LMF1: variants seen among roughly 807,000 people sequenced by gnomAD.
LMF1 encodes the protein transmembrane protein 112.
In LMF1, 68 loss-of-function variants were observed where a neutral mutation model predicts 60.6. The ratio of observed to expected loss-of-function variants is 1.12; its 90% CI spans 0.92 to 1.37. The LOEUF is 1.37. Among genes scored for constraint, LMF1 ranks in the 40% most tolerant of loss-of-function variants. The probability of loss-of-function intolerance (pLI) is 0.00; values close to 1 mark genes in which losing one functional copy is unlikely to be tolerated. For synonymous variants in LMF1, 418 were observed against 324.7 expected (o/e 1.29, Z -3.09); for missense variants, 948 against 767.2 (o/e 1.24, Z -2.78).
chr16:932,054 C>A (rs943879562), intron 3 of LMF1, among the ~76,000 whole-genome samples: 1 of 152,228 alleles, frequency 6.6e-6, no homozygotes, highest in Admixed American at 6.5e-5. Flanking sequence ...ATGCAGACCC[C>A]GTTGCTTTTG....
rs545508924 is a variant in LMF1 at position 969,428 on chromosome 16, C to T, written c.193+1360G>A. Among the ~76,000 whole-genome samples, 5 of 152,358 alleles carry T rather than the reference C, an allele frequency of 3.3e-5. No homozygotes were observed. The South Asian group carries it at 8.3e-4, about 25-fold the overall frequency. On this transcript the variant is annotated intron_variant, in intron 1 of 10. Coordinates refer to ENST00000262301, the MANE Select transcript of LMF1 (RefSeq NM_022773.4). ...ACAGGAAACCTTGTAGTGATGAGCGCGTCTCATCACTTTGCACCAGGAGGT... is the reference window on the plus strand; with the variant it reads ...ACAGGAAACCTTGTAGTGATGAGCGTGTCTCATCACTTTGCACCAGGAGGT...
intron 3 of LMF1, among the ~76,000 whole-genome samples, chr16:925,759 C>T (rs2071575170): frequency 6.6e-6 from 1 of 152,114 alleles, no homozygotes; most frequent in African/African-American, 2.4e-5. Flanking sequence ...TATATATATG[C>T]TTTTCTTCTA....
intron 1 of LMF1, among the ~76,000 whole-genome samples, chr16:978,672 T>C (rs2073247554): frequency 2.6e-5 from 4 of 151,884 alleles, no homozygotes; most frequent in African/African-American, 9.7e-5. Flanking sequence ...CACTAGCAGG[T>C]GGTGAGGTCA....
At chr16:869,113 C>T in intron 9 of LMF1, 57 bp from the exon 10 acceptor site, 1 of 1,149,646 alleles carries the variant, frequency 8.7e-7, no homozygotes, top group Non-Finnish European at 1.3e-6. Flanking sequence ...AGGCACAGCC[C>T]CTCCGGACGC....
At chr16:854,782 A>G in intron 10 of LMF1, 76 bp from the exon 11 acceptor site, 1 of 1,328,330 alleles carries the variant, frequency 7.5e-7, no homozygotes, top group Admixed American at 2.0e-5. Context: ...CCTGCTGCTG[A>G]GCTGCAGCTG....
At chr16:876,455 C>A (rs956079715) in intron 6 of LMF1, among the ~76,000 whole-genome samples, 1 of 152,086 alleles carries the variant, frequency 6.6e-6, no homozygotes, top group Non-Finnish European at 1.5e-5. Flanking sequence ...TCCTGTCAGC[C>A]GGGACTTTAG....
intron 5 of LMF1, among the ~76,000 whole-genome samples, chr16:888,826 C>T (rs1459242066): frequency 6.6e-6 from 1 of 152,148 alleles, no homozygotes; most frequent in Admixed American, 6.5e-5. Context: ...ACATGGGGAC[C>T]CCGGGAGAGG....
At chr16:975,858 G>C (rs1431489142), upstream of LMF1, 1 of 452,504 alleles carries the variant, frequency 2.2e-6, no homozygotes, top group Admixed American at 2.4e-5. Flanking sequence ...GGCGGCCAGG[G>C]CCCATTTCGA....
intron 1 of LMF1, among the ~76,000 whole-genome samples, chr16:970,119 G>A (rs2073010065): frequency 6.6e-6 from 1 of 152,190 alleles, no homozygotes; most frequent in South Asian, 2.1e-4. Flanking sequence ...CCAGACCTCC[G>A]CTGGGAATCT....
intron 1 of LMF1, among the ~76,000 whole-genome samples, chr16:959,520 C>G (rs962031547): frequency 6.6e-6 from 1 of 152,164 alleles, no homozygotes; most frequent in African/African-American, 2.4e-5. Flanking sequence ...TCAATGTGCA[C>G]AAACTATTGG....
At chr16:931,631 CGGA>C (rs1567264652) in intron 3 of LMF1, 1 of 1,286,036 alleles carries the variant, frequency 7.8e-7, no homozygotes, top group East Asian at 5.6e-5. Context: ...GCCCAGCACC[CGGA>C]GTCATACCTC....
At chr16:944,716 G>A (rs112258597) in intron 2 of LMF1, among the ~76,000 whole-genome samples, 11,779 of 152,222 alleles carry the variant, frequency 0.077, 522 homozygotes, top group South Asian at 0.15. Flanking sequence ...AATGTGAGAC[G>A]TCCTCTCCCT....
intron 2 of LMF1, among the ~76,000 whole-genome samples, chr16:937,384 T>G (rs1005627915): frequency 6.6e-6 from 1 of 152,216 alleles, no homozygotes; most frequent in African/African-American, 2.4e-5. Context: ...GATTTTGCTT[T>G]TGGATGGTCG....
intron 4 of LMF1, among the ~76,000 whole-genome samples, chr16:906,655 C>T (rs965153425): frequency 6.6e-6 from 1 of 152,224 alleles, no homozygotes; most frequent in South Asian, 2.1e-4. Context: ...TAGTTCTGTC[C>T]CTCGAGGGAA....
At chr16:889,083 C>A (rs1329261048) in intron 5 of LMF1, among the ~76,000 whole-genome samples, 1 of 152,232 alleles carries the variant, frequency 6.6e-6, no homozygotes, top group African/African-American at 2.4e-5. Flanking sequence ...TGCACTCACC[C>A]TGGGTAGAGG....
At chr16:864,556 C>T (rs372465257) in intron 10 of LMF1, among the ~76,000 whole-genome samples, 15 of 152,076 alleles carry the variant, frequency 9.9e-5, no homozygotes, top group African/African-American at 2.7e-4. Flanking sequence ...GGCTGAGCTA[C>T]GACGGATGTT....
chr16:915,842 G>A (rs1469627846), intron 3 of LMF1, among the ~76,000 whole-genome samples: 1 of 151,974 alleles, frequency 6.6e-6, no homozygotes, highest in African/African-American at 2.4e-5. Flanking sequence ...CAGGTGAGAT[G>A]CAGGGGCCGG....
chr16:859,292 T>C (rs375219845), intron 10 of LMF1, among the ~76,000 whole-genome samples: 7 of 30,666 alleles, frequency 2.3e-4, no homozygotes, highest in Non-Finnish European at 3.6e-4. Context: ...GGGACGGGTG[T>C]GAGTGGTGTC....
intron 2 of LMF1, among the ~76,000 whole-genome samples, chr16:941,294 C>T (rs143872627): frequency 0.065 from 9,914 of 152,078 alleles, 383 homozygotes; most frequent in Non-Finnish European, 0.089. Context: ...CAGTGGCTCA[C>T]TGCAACCTCT....
Sources: allele counts gnomAD v4.1 joint callset (sites outside exome capture counted in the v4.1 genomes callset), GRCh38; gene constraint gnomAD v4.1.1; transcripts MANE v1.5; gene names NCBI Gene and HGNC (gene_info 2026-07-23, HGNC 2026-07-21).